The following RIC1 variants were observed in gnomAD, a reference collection of about 807,000 sequenced individuals.
RIC1 encodes RIC1 partner of RAB6A GEF complex, also known as guanine nucleotide exchange factor subunit RIC1.
A neutral mutation model predicts 169.0 loss-of-function variants in RIC1; 88 were observed. The observed-to-expected ratio is 0.52, with a 90% CI of 0.44 to 0.62. The LOEUF (loss-of-function observed/expected upper bound fraction) is 0.62. Ranked by LOEUF, RIC1 falls within the 20% of genes least tolerant of loss-of-function variation. RIC1 has a pLI of 0.00. For synonymous variants in RIC1, 790 were observed against 601.5 expected, an observed-to-expected ratio of 1.31 and a Z score of -4.59; for missense variants, 1,877 against 1,725.5, an observed-to-expected ratio of 1.09 and a Z score of -1.56.
At chr9:5,678,811 G>C (rs1413276911) in intron 2 of RIC1, among the ~76,000 whole-genome samples, 2 of 152,060 alleles carry the variant, frequency 1.3e-5, no homozygotes, top group Non-Finnish European at 2.9e-5. Flanking sequence ...TCACTCTGAT[G>C]GTAGTTTCTT....
intron 3 of RIC1, among the ~76,000 whole-genome samples, chr9:5,694,841 C>T (rs889901673): frequency 1.3e-5 from 2 of 149,680 alleles, no homozygotes; most frequent in African/African-American, 2.5e-5. Flanking sequence ...AAGGGTACTA[C>T]GTCTTTCAAA....
intron 7 of RIC1, among the ~76,000 whole-genome samples, chr9:5,734,833 A>G (rs1488596716): frequency 6.6e-6 from 1 of 152,202 alleles, no homozygotes; most frequent in Non-Finnish European, 1.5e-5. Context: ...GTCTGAATAT[A>G]GCATAATTTA....
chr9:5,732,788 G>C (rs1422489924), intron 7 of RIC1, among the ~76,000 whole-genome samples: 1 of 152,080 alleles, frequency 6.6e-6, no homozygotes. Flanking sequence ...TTTAAAAGAG[G>C]ATTTGGAAGA....
chr9:5,743,482 G>T (rs1458342547), intron 9 of RIC1, among the ~76,000 whole-genome samples: 1 of 152,004 alleles, frequency 6.6e-6, no homozygotes, highest in Non-Finnish European at 1.5e-5. Flanking sequence ...GCATATCTCT[G>T]GCAAGAAGTC....
rs1408810295 is a variant in RIC1 at position 5,753,192 on chromosome 9, T to G, written c.1453-8T>G. 76 of 1,609,168 alleles carry G rather than the reference T, an allele frequency of 4.7e-5. No homozygotes were observed. The highest frequency in any genetic ancestry group is 6.3e-5 in the Non-Finnish European group (74 of 1,175,644). On this transcript the variant is annotated splice_region_variant and splice_polypyrimidine_tract_variant and intron_variant, in intron 12 of 25. Coordinates refer to ENST00000414202, the MANE Select transcript of RIC1 (RefSeq NM_020829.4). The stretch of plus-strand genomic sequence containing the variant: ...AGTTTTACCAATCTGATGTGTTATT[T>G]TCTATAGATTTCCAGCACCTATCTA...
rs901238256 is a variant in RIC1 at position 5,654,686 on chromosome 9, G to A, written c.145-1897G>A. Among the ~76,000 whole-genome samples the A allele has an allele frequency of 2.6e-5, 4 of 151,944 alleles. No homozygotes were observed. The East Asian group carries it at 7.8e-4, about 29-fold the overall frequency. On this transcript the variant is annotated intron_variant, in intron 1 of 25. Coordinates refer to ENST00000414202, the MANE Select transcript of RIC1 (RefSeq NM_020829.4). ...TCCTGAGTAGCTGGGATTAATTTTTGTATTTTTAGTAGAGATGTAACCACA... is the reference window on the plus strand; with the variant it reads ...TCCTGAGTAGCTGGGATTAATTTTTATATTTTTAGTAGAGATGTAACCACA...
intron 2 of RIC1, among the ~76,000 whole-genome samples, chr9:5,681,689 G>A (rs1820849798): frequency 6.6e-6 from 1 of 152,110 alleles, no homozygotes; most frequent in Non-Finnish European, 1.5e-5. Flanking sequence ...TTCAATTCCT[G>A]GATATCCTTG....
chr9:5,705,731 G>T (rs1346952732), intron 3 of RIC1, among the ~76,000 whole-genome samples: 3 of 152,194 alleles, frequency 2.0e-5, no homozygotes, highest in Non-Finnish European at 4.4e-5. Context: ...AAAACTTTCA[G>T]TCAGTAAACA....
intron 2 of RIC1, among the ~76,000 whole-genome samples, chr9:5,675,526 T>G (rs1167727685): frequency 6.6e-6 from 1 of 152,258 alleles, no homozygotes. Flanking sequence ...TTACTCTTTA[T>G]GTACTTTATT....
In RIC1 at chr9:5,747,466, A is replaced by C; in HGVS notation, c.1413A>C (p.Leu471Phe). Residue 471 changes from leucine to phenylalanine, a missense_variant, in exon 12 of 26, where the codon TTA becomes TTC. Physicochemically the swap from Leu to Phe is conservative, Grantham distance 22. Transcript: ENST00000414202. ...ATGGAGGTTTAGAGTCTCAGGGATT[A>C]AGCACTTTACTTGGACATCGGCATT... ...FADGGLESQG[L>F]STLLGHRHWH... 6.2e-7 allele frequency: 1 copy of C among 1,614,084 alleles called. No individual in the cohort carries two copies. Among genetic ancestry groups the C allele is most frequent in the Non-Finnish European group, 8.5e-7 (1 of 1,179,926 alleles).
chr9:5,642,824 C>T (rs1010968243), intron 1 of RIC1, among the ~76,000 whole-genome samples: 1 of 152,132 alleles, frequency 6.6e-6, no homozygotes, highest in Non-Finnish European at 1.5e-5. Flanking sequence ...AGCAAAGTTT[C>T]CCAAATTTAA....
At chr9:5,655,105 C>T (rs1391510140) in intron 1 of RIC1, among the ~76,000 whole-genome samples, 1 of 152,140 alleles carries the variant, frequency 6.6e-6, no homozygotes, top group Non-Finnish European at 1.5e-5. Flanking sequence ...TTAGCTGGGA[C>T]TTCCACTATT....
intron 1 of RIC1, among the ~76,000 whole-genome samples, chr9:5,656,068 C>G (rs1819079870): frequency 6.6e-6 from 1 of 152,106 alleles, no homozygotes; most frequent in Non-Finnish European, 1.5e-5. Flanking sequence ...AACGGGGTTT[C>G]ACTGTGTTAG....
At chr9:5,662,885 G>T (rs1171425923) in intron 2 of RIC1, among the ~76,000 whole-genome samples, 1 of 151,710 alleles carries the variant, frequency 6.6e-6, no homozygotes, top group South Asian at 2.1e-4. Context: ...TAGCTTTTGG[G>T]TTTGTTCTTG....
chr9:5,675,748 A>G (rs939555986), intron 2 of RIC1, among the ~76,000 whole-genome samples: 3 of 152,202 alleles, frequency 2.0e-5, no homozygotes, highest in Non-Finnish European at 2.9e-5. Flanking sequence ...TGGAGGAATC[A>G]TATGTAAAAA....
intron 1 of RIC1, among the ~76,000 whole-genome samples, chr9:5,631,579 C>G (rs1011552638): frequency 1.3e-5 from 2 of 151,208 alleles, no homozygotes; most frequent in African/African-American, 4.9e-5. Flanking sequence ...CCCAGCTACT[C>G]GGGAGGCTGA....
At chr9:5,677,326 T>C (rs1261224059) in intron 2 of RIC1, among the ~76,000 whole-genome samples, 1 of 152,200 alleles carries the variant, frequency 6.6e-6, no homozygotes, top group Non-Finnish European at 1.5e-5. Context: ...GTGTGTCTTA[T>C]TTGGTAAAAT....
At chr9:5,664,129 G>A (rs988000740) in intron 2 of RIC1, among the ~76,000 whole-genome samples, 2 of 152,058 alleles carry the variant, frequency 1.3e-5, no homozygotes, top group African/African-American at 2.4e-5. Flanking sequence ...TTTAATATTG[G>A]CCAGGTGTGG....
At chr9:5,677,940 G>C (rs1820553993) in intron 2 of RIC1, among the ~76,000 whole-genome samples, 1 of 151,862 alleles carries the variant, frequency 6.6e-6, no homozygotes, top group Non-Finnish European at 1.5e-5. Context: ...ATGTTAGTGT[G>C]ATGCACCCAT....
Sources: allele counts gnomAD v4.1 joint callset (sites outside exome capture counted in the v4.1 genomes callset), GRCh38; gene constraint gnomAD v4.1.1; transcripts MANE v1.5; gene names NCBI Gene and HGNC (gene_info 2026-07-23, HGNC 2026-07-21).